Variants in BAZ1A observed in about 807,000 individuals in gnomAD.
BAZ1A encodes bromodomain adjacent to zinc finger domain protein 1A.
In BAZ1A, 50 loss-of-function variants were observed where a neutral mutation model predicts 185.2. That is an observed-to-expected ratio of 0.27 (90% CI 0.22 to 0.34). The LOEUF (loss-of-function observed/expected upper bound fraction) is 0.34, where lower values mean the gene tolerates loss of function less well. BAZ1A is among the 10% of genes least tolerant of loss of function. The pLI, the probability that BAZ1A is intolerant of heterozygous loss-of-function variation, is 1.00. For missense variants in BAZ1A, 1,356 were observed against 1,839.9 expected, an observed-to-expected ratio of 0.74 and a Z score of 4.81; for synonymous variants, 571 against 615.6, an observed-to-expected ratio of 0.93 and a Z score of 1.07.
chr14:34,868,270 T>G (rs965630466), intron 2 of BAZ1A, among the ~76,000 whole-genome samples: 5 of 152,188 alleles, frequency 3.3e-5, no homozygotes, highest in African/African-American at 1.2e-4. Context: ...AAGCCTGAAA[T>G]ACTGATTATC....
intron 3 of BAZ1A, among the ~76,000 whole-genome samples, chr14:34,827,667 G>A (rs888861448): frequency 4.0e-5 from 6 of 151,398 alleles, no homozygotes; most frequent in Non-Finnish European, 5.9e-5. Context: ...CCCAGGAGGC[G>A]GAGTTTGCAG....
Position 34,762,080 on chromosome 14 carries a change from A to G in BAZ1A, c.3920T>C (p.Val1307Ala). Residue 1307 changes from valine to alanine, a missense_variant, in exon 24 of 27, where the codon GTT (valine) becomes GCT (alanine). Val to Ala is a moderately conservative substitution (Grantham distance 64). Coordinates refer to ENST00000360310, the MANE Select transcript of BAZ1A (RefSeq NM_013448.3). The stretch of plus-strand genomic sequence containing the variant: ...TAGGCTTCTACCAGTTTTAGAAGAA[A>G]CAGTTGTTTTGGGTGTGCTCTGCTG... Reference protein sequence around the residue: ...RSQQSTPKTTVSSKTGRSLRK... With the variant: ...RSQQSTPKTTASSKTGRSLRK... 1.9e-6 allele frequency: 3 copies of G among 1,614,184 alleles called. No individual in the cohort carries two copies. The highest frequency in any genetic ancestry group is 1.1e-5 in the South Asian group (1 of 91,082).
chr14:34,774,198 A>T, intron 19 of BAZ1A, 129 bp downstream of exon 19: 1 of 698,370 alleles, frequency 1.4e-6, no homozygotes, highest in Non-Finnish European at 2.2e-6. Context: ...AAGTTTTCAT[A>T]AAAAATTTAT....
chr14:34,794,718 T>C, intron 11 of BAZ1A, 31 bp downstream of exon 11: 3 of 1,593,840 alleles, frequency 1.9e-6, no homozygotes, highest in Non-Finnish European at 2.6e-6. Context: ...GGATGAACTA[T>C]AATGTAGCAA....
rs1021434652 is a variant in BAZ1A, at chr14:34,795,606, T to C, written c.1224+64A>G. On this transcript the variant is annotated intron_variant, in intron 10 of 26. Transcript: ENST00000360310. Reference sequence around the variant, plus strand: ...CTGCTATTAAATAAGAATGATTTCATCAGCAAAGCCACATAGGACATGTAA... The same window carrying C: ...CTGCTATTAAATAAGAATGATTTCACCAGCAAAGCCACATAGGACATGTAA... The C allele has an allele frequency of 2.7e-6, 3 of 1,121,938 alleles. No individual in the cohort carries two copies. The African/African-American group carries it at 4.8e-5, about 18-fold the overall frequency. The allele number at this position is 1,121,938 out of a possible 1,614,324, so 69.5% of individuals were successfully genotyped here.
At chr14:34,821,150 C>T (rs1420958083) in intron 4 of BAZ1A, among the ~76,000 whole-genome samples, 2 of 152,114 alleles carry the variant, frequency 1.3e-5, no homozygotes, top group Non-Finnish European at 2.9e-5. Context: ...TAGGGATAAA[C>T]CTATAGATCA....
intron 21 of BAZ1A, chr14:34,768,862 A>G (rs527478896): frequency 3.6e-6 from 1 of 278,796 alleles, no homozygotes; most frequent in African/African-American, 2.3e-5. Flanking sequence ...TTTAAAAATA[A>G]CAGAATTATC....
intron 25 of BAZ1A, among the ~76,000 whole-genome samples, chr14:34,755,259 A>C (rs1250386492): frequency 6.6e-6 from 1 of 152,216 alleles, no homozygotes; most frequent in African/African-American, 2.4e-5. Flanking sequence ...AAATGAGTCA[A>C]GTCAAACTAA....
intron 2 of BAZ1A, among the ~76,000 whole-genome samples, chr14:34,865,744 C>T (rs1221361504): frequency 6.6e-6 from 1 of 152,076 alleles, no homozygotes; most frequent in Non-Finnish European, 1.5e-5. Context: ...CGGTGTATAT[C>T]ATCAAAAATA....
At chr14:34,797,206 G>A (rs1881242939) in intron 9 of BAZ1A, among the ~76,000 whole-genome samples, 1 of 152,104 alleles carries the variant, frequency 6.6e-6, no homozygotes, top group East Asian at 1.9e-4. Flanking sequence ...AACTTTAAAT[G>A]GTGAGTGATC....
chr14:34,859,745 G>A lies in BAZ1A; in HGVS notation c.392+2299C>T, dbSNP rs190565406. 1.7e-4 allele frequency among the ~76,000 whole-genome samples: 26 copies of A among 152,190 alleles called. No homozygotes were observed. The East Asian group carries it at 5.0e-3, about 29-fold the overall frequency. On this transcript the variant is annotated intron_variant, in intron 3 of 26. Coordinates refer to ENST00000360310, the MANE Select transcript of BAZ1A (RefSeq NM_013448.3). ...CTTACTTACTACTCCCTTGTCAATG[G>A]TGCTCACAGCAAGTTACAGAGAAGA... is the stretch of plus-strand genomic sequence containing the variant.
In BAZ1A at chr14:34,761,843, T is replaced by C. The variant is rs1886533028; in HGVS notation, c.4157A>G (p.Glu1386Gly). Residue 1386 changes from glutamate to glycine, a missense_variant, in exon 24 of 27, where the codon GAA becomes GGA. Physicochemically the swap from Glu to Gly is moderately conservative, Grantham distance 98. Transcript: ENST00000360310. ...NFRVIATKSS[E>G]QSRSVNIASK... is the part of the protein sequence containing the mutation. Reference sequence around the variant, plus strand: ...AGCAATATTTACAGATCTTGACTGTTCACTTGACTTTGTGGCAATGACTCT... The same window carrying C: ...AGCAATATTTACAGATCTTGACTGTCCACTTGACTTTGTGGCAATGACTCT... 6.2e-7 allele frequency: 1 copy of C among 1,614,226 alleles called. No individual in the cohort carries two copies. The highest frequency in any genetic ancestry group is 2.2e-5 in the East Asian group (1 of 44,890).
chr14:34,825,923 G>C (rs1383449586), intron 4 of BAZ1A, 90 bp downstream of exon 4: 1 of 1,284,244 alleles, frequency 7.8e-7, no homozygotes, highest in African/African-American at 1.6e-5. Context: ...GGGCAAAAGA[G>C]TGAAACTCTA....
chr14:34,812,636 T>G, intron 4 of BAZ1A, among the ~76,000 whole-genome samples: 1 of 152,112 alleles, frequency 6.6e-6, no homozygotes, highest in Non-Finnish European at 1.5e-5. Flanking sequence ...AGAGGTAGGA[T>G]TCTGAAAATG....
At chr14:34,788,624 T>G (rs1179113721) in intron 12 of BAZ1A, among the ~76,000 whole-genome samples, 1 of 152,088 alleles carries the variant, frequency 6.6e-6, no homozygotes, top group Non-Finnish European at 1.5e-5. Flanking sequence ...AAGGAATGAC[T>G]CTGGATCAGC....
intron 17 of BAZ1A, among the ~76,000 whole-genome samples, chr14:34,779,535 G>T (rs1019743895): frequency 2.0e-5 from 3 of 151,770 alleles, no homozygotes; most frequent in Non-Finnish European, 4.4e-5. Flanking sequence ...TCTACTTAGA[G>T]TAACCATTTA....
chr14:34,771,727 A>G, intron 20 of BAZ1A, 68 bp from the exon 21 acceptor site: 1 of 1,423,028 alleles, frequency 7.0e-7, no homozygotes, highest in South Asian at 1.3e-5. Context: ...GAGTCCATTC[A>G]TTGGTTCAAA....
At position 34,863,689 on chromosome 14, in the gene BAZ1A, T is replaced by C. The variant is rs541580124; in HGVS notation, c.114-1367A>G. Among the ~76,000 whole-genome samples the C allele has an allele frequency of 3.3e-5, 5 of 152,120 alleles. No homozygotes were observed. The East Asian group carries it at 9.7e-4, about 29-fold the overall frequency. ...AATGGGTAGGAAAAACATGAATCAATGAATACACAATCCCATGTACATTAA... is the reference window on the plus strand; with the variant it reads ...AATGGGTAGGAAAAACATGAATCAACGAATACACAATCCCATGTACATTAA... On this transcript the variant is annotated intron_variant, in intron 2 of 26. Transcript: ENST00000360310.
At chr14:34,778,946 C>T (rs368496171) in intron 17 of BAZ1A, among the ~76,000 whole-genome samples, 1 of 152,132 alleles carries the variant, frequency 6.6e-6, no homozygotes. Flanking sequence ...CCTTGATCTC[C>T]CAGGCTCAAG....
Sources: allele counts gnomAD v4.1 joint callset (sites outside exome capture counted in the v4.1 genomes callset), GRCh38; gene constraint gnomAD v4.1.1; transcripts MANE v1.5; gene names NCBI Gene and HGNC (gene_info 2026-07-23, HGNC 2026-07-21).